EPHA6: variants seen among roughly 807,000 people sequenced by gnomAD.
EPHA6 encodes EPH receptor A6.
A neutral mutation model predicts 112.0 loss-of-function variants in EPHA6; 50 were observed. The ratio of observed to expected loss-of-function variants is 0.45; its 90% confidence interval spans 0.36 to 0.56. The LOEUF is 0.56. Among genes scored for constraint, EPHA6 ranks in the 20% least tolerant of loss-of-function variants. The probability of loss-of-function intolerance (pLI) is 0.00; values close to 1 mark genes in which losing one functional copy is unlikely to be tolerated. For synonymous variants in EPHA6, 529 were observed against 490.7 expected, an observed-to-expected ratio of 1.08 and a Z score of -1.03; for missense variants, 1,280 against 1,417.4, an observed-to-expected ratio of 0.90 and a Z score of 1.56.
chr3:96,876,500 C>T (rs1185912689), intron 2 of EPHA6, among the ~76,000 whole-genome samples: 1 of 151,494 alleles, frequency 6.6e-6, no homozygotes, highest in East Asian at 1.9e-4. Context: ...CATCCCTCAT[C>T]CTGTTGCCAG....
rs192091577 is a variant in EPHA6, at chr3:96,926,111, T to C, written c.450+59222T>C. Among the ~76,000 whole-genome samples the C allele has an allele frequency of 2.0e-5, 3 of 152,116 alleles. No homozygotes were observed. In the East Asian group the frequency reaches 5.8e-4, roughly 29 times the overall value. The stretch of plus-strand genomic sequence containing the variant: ...GATTTAATTGACTCACAGTTCCACA[T>C]GGGTAGGGAGGCCTCAGGAAACTTA... On this transcript the variant is annotated intron_variant, in intron 2 of 17. Transcript: ENST00000389672.
chr3:96,907,214 A>C (rs1404681321), intron 2 of EPHA6, among the ~76,000 whole-genome samples: 1 of 151,996 alleles, frequency 6.6e-6, no homozygotes, highest in African/African-American at 2.4e-5. Context: ...AAACACAAGT[A>C]AATTATTTCC....
intron 5 of EPHA6, among the ~76,000 whole-genome samples, chr3:97,393,782 C>G (rs913538430): frequency 6.6e-6 from 1 of 151,750 alleles, no homozygotes; most frequent in African/African-American, 2.4e-5. Context: ...CTCTCTACTT[C>G]TAAGAGATCG....
At position 97,756,575 on chromosome 3, in the gene EPHA6, G is replaced by A. The variant is rs114539287; in HGVS notation, c.*7874G>A. On this transcript the variant is annotated 3_prime_UTR_variant, in exon 18 of 18. Transcript: ENST00000389672. ...ATTTTAATGTACTCTTTCTTCCCAT[G>A]CTAGATATGTCTTCAAAGAAAAATG... Among the ~76,000 whole-genome samples, 596 of 151,914 alleles carry A rather than the reference G, an allele frequency of 3.9e-3. 3 individuals carry two copies. Among genetic ancestry groups the A allele is most frequent in the Non-Finnish European group, 5.9e-3 (401 of 67,778 alleles).
At chr3:96,824,477 T>G (rs2107236927) in intron 1 of EPHA6, among the ~76,000 whole-genome samples, 1 of 152,014 alleles carries the variant, frequency 6.6e-6, no homozygotes, top group East Asian at 1.9e-4. Flanking sequence ...GTTTTATATA[T>G]AATATACATT....
At position 97,174,941 on chromosome 3, in the gene EPHA6, G is replaced by A. The variant is rs547861289; in HGVS notation, c.1115-51323G>A. Among the ~76,000 whole-genome samples, 7 of 151,774 alleles carry A rather than the reference G, an allele frequency of 4.6e-5. No homozygotes were observed. The East Asian group carries it at 5.8e-4, about 13-fold the overall frequency. ...CCATTTTTGCTTTGGTTGCCTGTAC[G>A]TGTGGGGTATTGCTCAAGATATTTT... On this transcript the variant is annotated intron_variant, in intron 3 of 17. Coordinates refer to ENST00000389672, the MANE Select transcript of EPHA6 (RefSeq NM_001080448.3).
intron 2 of EPHA6, among the ~76,000 whole-genome samples, chr3:96,950,484 C>T (rs1383901190): frequency 6.6e-6 from 1 of 152,076 alleles, no homozygotes; most frequent in Non-Finnish European, 1.5e-5. Flanking sequence ...AAGTCAGGAA[C>T]TGTGTCTTTT....
In EPHA6 at chr3:97,749,291, A is replaced by G. The variant is rs576067098; in HGVS notation, c.*590A>G. On this transcript the variant is annotated 3_prime_UTR_variant, in exon 18 of 18. Transcript: ENST00000389672. ...TTTTGTGAGGTATGACTATGGTGAG[A>G]AGGGGGTTATTAGGGAGGGAGAAAA... The G allele has an allele frequency of 1.2e-4, 27 of 216,526 alleles. No individual in the cohort carries two copies. Among genetic ancestry groups the G allele is most frequent in the African/African-American group, 5.6e-4 (25 of 44,548 alleles). 13.4% of individuals were successfully genotyped at this position (216,526 alleles called of 1,614,324 possible). A position where few individuals can be genotyped will look rare whatever the true frequency, so the allele number is the denominator to read the frequency against.
intron 3 of EPHA6, chr3:97,009,855 G>A: frequency 2.6e-6 from 1 of 382,784 alleles, no homozygotes; most frequent in Non-Finnish European, 5.1e-6. Context: ...CTTCCCTTGT[G>A]GCTCTCAGGT....
chr3:97,741,022 T>C (rs549657833), intron 16 of EPHA6, among the ~76,000 whole-genome samples: 2 of 152,132 alleles, frequency 1.3e-5, no homozygotes, highest in African/African-American at 4.8e-5. Flanking sequence ...GAAAGATGGA[T>C]CAGGAGATTT....
At chr3:97,576,260 C>A (rs936408053) in intron 11 of EPHA6, among the ~76,000 whole-genome samples, 2 of 149,904 alleles carry the variant, frequency 1.3e-5, no homozygotes, top group African/African-American at 5.0e-5. Context: ...AAGAAATTTC[C>A]AGATTTTGTA....
At chr3:97,691,617 T>G (rs181734299) in intron 14 of EPHA6, among the ~76,000 whole-genome samples, 29 of 152,298 alleles carry the variant, frequency 1.9e-4, no homozygotes, top group African/African-American at 7.0e-4. Context: ...TCTCCAAGCC[T>G]CCAAGCTTTA....
At chr3:97,340,595 C>T (rs1412248348) in intron 5 of EPHA6, among the ~76,000 whole-genome samples, 2 of 152,158 alleles carry the variant, frequency 1.3e-5, no homozygotes, top group Admixed American at 6.5e-5. Flanking sequence ...GCTACCATAA[C>T]AAAATACTCC....
intron 3 of EPHA6, among the ~76,000 whole-genome samples, chr3:96,994,862 A>G (rs1366752836): frequency 1.3e-5 from 2 of 150,226 alleles, no homozygotes; most frequent in Non-Finnish European, 3.0e-5. Context: ...AGAAGGTATT[A>G]TTGCTATATA....
At chr3:97,150,332 G>A (rs1418246496) in intron 3 of EPHA6, among the ~76,000 whole-genome samples, 1 of 151,992 alleles carries the variant, frequency 6.6e-6, no homozygotes, top group Non-Finnish European at 1.5e-5. Context: ...CTTTTTTGAA[G>A]ACGTTTGTAT....
intron 2 of EPHA6, among the ~76,000 whole-genome samples, chr3:96,940,750 C>G (rs2040892941): frequency 6.6e-6 from 1 of 152,118 alleles, no homozygotes; most frequent in Non-Finnish European, 1.5e-5. Flanking sequence ...TTGTTCCTTT[C>G]CATGTTTAGT....
chr3:97,076,674 T>C (rs2046536994), intron 3 of EPHA6, among the ~76,000 whole-genome samples: 1 of 152,118 alleles, frequency 6.6e-6, no homozygotes, highest in African/African-American at 2.4e-5. Flanking sequence ...CTTTTACAGC[T>C]AGAGAGAAGT....
At chr3:97,728,167 A>G (rs1028684029) in intron 15 of EPHA6, among the ~76,000 whole-genome samples, 1 of 151,958 alleles carries the variant, frequency 6.6e-6, no homozygotes, top group East Asian at 1.9e-4. Context: ...CTATTTTTCC[A>G]TAGCTTTTAG....
At chr3:97,689,356 T>C (rs2032489323) in intron 14 of EPHA6, among the ~76,000 whole-genome samples, 2 of 152,202 alleles carry the variant, frequency 1.3e-5, no homozygotes, top group Admixed American at 1.3e-4. Context: ...GTAACATGTG[T>C]GTTCAACTCC....
Sources: allele counts gnomAD v4.1 joint callset (sites outside exome capture counted in the v4.1 genomes callset), GRCh38; gene constraint gnomAD v4.1.1; transcripts MANE v1.5; gene names NCBI Gene and HGNC (gene_info 2026-07-23, HGNC 2026-07-21).